Variants in TNFRSF19 observed in about 807,000 individuals in gnomAD.
The protein encoded by TNFRSF19 is tumor necrosis factor receptor superfamily member 19.
In TNFRSF19, 27 loss-of-function variants were observed where a neutral mutation model predicts 46.4. That is an observed-to-expected ratio of 0.58 (90% confidence interval 0.43 to 0.80). The LOEUF (loss-of-function observed/expected upper bound fraction) is 0.80. Ranked by LOEUF, TNFRSF19 falls within the 30% of genes least tolerant of loss-of-function variation. The pLI, the probability that TNFRSF19 is intolerant of heterozygous loss-of-function variation, is 0.00. For missense variants in TNFRSF19, 511 were observed against 530.8 expected (o/e 0.96, Z 0.37); for synonymous variants, 204 against 205.0 (o/e 1.00, Z 0.04).
At position 23,615,893 on chromosome 13, in the gene TNFRSF19, T is replaced by C. The variant is rs373247986; in HGVS notation, c.207T>C (p.Asp69=). The stretch of plus-strand genomic sequence containing the variant: ...AATGTGGCTTCGGCTATGGGGAGGA[T>C]GCACAGTGTGTGACGTGCCGGCTGC... ...SKECGFGYGE[D]AQCVTCRLHR... Residue 69 remains aspartate (D), a synonymous_variant, in exon 4 of 10, where the codon GAT becomes GAC. Transcript: ENST00000248484. The C allele has an allele frequency of 1.9e-6, 3 of 1,612,158 alleles. No individual in the cohort carries two copies. In the Admixed American group the frequency reaches 5.0e-5, roughly 27 times the overall value.
At position 23,590,218 on chromosome 13, in the gene TNFRSF19, C is replaced by T. The variant is rs370996963; in HGVS notation, c.35C>T (p.Thr12Met). ...AAAGTGCTACTAGAACAAGAGAAAACGTTTTTCACTCTTTTAGTATTACTA... is the reference window on the plus strand; with the variant it reads ...AAAGTGCTACTAGAACAAGAGAAAATGTTTTTCACTCTTTTAGTATTACTA... ...ALKVLLEQEK[T>M]FFTLLVLLGY... Residue 12 changes from threonine to methionine, a missense_variant, in exon 2 of 10, where the codon ACG becomes ATG. By Grantham distance (81) the Thr-to-Met change is moderately conservative. This residue lies in a region of TNFRSF19 where 121 missense variants were observed against 124.1 expected (regional missense o/e 0.98). Transcript: ENST00000248484. The T allele has an allele frequency of 8.6e-5, 137 of 1,592,692 alleles. No individual in the cohort carries two copies. Among genetic ancestry groups the T allele is most frequent in the Non-Finnish European group, 1.1e-4 (133 of 1,169,574 alleles).
rs1278513824 is a variant in TNFRSF19, at chr13:23,674,798, G to A, written c.*1418G>A. ...TAACTTTTAAACTGAATATTAAAAT[G>A]TATCTGTCTTTCCTAGTATGTTTTT... is the stretch of plus-strand genomic sequence containing the variant. On this transcript the variant is annotated 3_prime_UTR_variant, in exon 10 of 10. Transcript: ENST00000248484. 1 of 152,194 alleles carries A rather than the reference G, an allele frequency of 6.6e-6. No homozygotes were observed. Among genetic ancestry groups the A allele is most frequent in the Non-Finnish European group, 1.5e-5 (1 of 68,040 alleles). 9.4% of individuals were successfully genotyped at this position (152,194 alleles called of 1,614,324 possible). A position where few individuals can be genotyped will look rare whatever the true frequency, so the allele number is the denominator to read the frequency against.
At chr13:23,631,250 C>A (rs909621571) in intron 5 of TNFRSF19, among the ~76,000 whole-genome samples, 1 of 151,824 alleles carries the variant, frequency 6.6e-6, no homozygotes, top group African/African-American at 2.4e-5. Flanking sequence ...CCCAGTAGTC[C>A]CCAAAACAGA....
chr13:23,638,991 A>G (rs1882874342), intron 5 of TNFRSF19, among the ~76,000 whole-genome samples: 1 of 152,144 alleles, frequency 6.6e-6, no homozygotes, highest in African/African-American at 2.4e-5. Flanking sequence ...TTTTTGTCCT[A>G]TTGAGAAGAA....
Position 23,570,710 on chromosome 13 carries a change from C to T in TNFRSF19, c.-173C>T, listed in dbSNP as rs924594642. On this transcript the variant is annotated 5_prime_UTR_variant, in exon 1 of 10. Transcript: ENST00000248484. ...ATTACAGGCATTTCATCTCCCTGCT[C>T]GTCTGCCTTTGATCTGCATGGTTAA... The T allele has an allele frequency of 6.6e-6, 1 of 152,186 alleles. No individual in the cohort carries two copies. The highest frequency in any genetic ancestry group is 2.4e-5 in the African/African-American group (1 of 41,444). 9.4% of individuals were successfully genotyped at this position (152,186 alleles called of 1,614,324 possible). A position where few individuals can be genotyped will look rare whatever the true frequency, so the allele number is the denominator to read the frequency against.
chr13:23,596,177 T>A (rs1879708771), intron 3 of TNFRSF19, among the ~76,000 whole-genome samples: 1 of 152,144 alleles, frequency 6.6e-6, no homozygotes, highest in Non-Finnish European at 1.5e-5. Context: ...TAAAGACCAT[T>A]GACACTATGA....
chr13:23,659,009 C>T lies in TNFRSF19; in HGVS notation c.446-41C>T. 6.2e-7 allele frequency: 1 copy of T among 1,611,160 alleles called. No homozygotes were observed. Among genetic ancestry groups the T allele is most frequent in the Non-Finnish European group, 8.5e-7 (1 of 1,179,798 alleles). ...AGCTTCGCCATAAACACTGCATCTG[C>T]AGTTGTTCAGAGCATGCTGACCCCA... On this transcript the variant is annotated intron_variant, in intron 5 of 9. Coordinates refer to ENST00000248484, the MANE Select transcript of TNFRSF19 (RefSeq NM_148957.4). The surrounding 1 kb of genome is among the most constrained non-coding windows in gnomAD (Gnocchi z 4.9).
intron 1 of TNFRSF19, among the ~76,000 whole-genome samples, chr13:23,574,985 C>T (rs2138130961): frequency 6.6e-6 from 1 of 152,298 alleles, no homozygotes; most frequent in South Asian, 2.1e-4. Flanking sequence ...CTTCATAAAA[C>T]CATTCCTTCC....
At chr13:23,662,770 T>C (rs1884450660) in intron 7 of TNFRSF19, among the ~76,000 whole-genome samples, 1 of 152,212 alleles carries the variant, frequency 6.6e-6, no homozygotes, top group Non-Finnish European at 1.5e-5. Context: ...TTTATTCTTT[T>C]TGTGGCAATT....
At chr13:23,669,855 G>A (rs913563) in intron 9 of TNFRSF19, among the ~76,000 whole-genome samples, 16,146 of 152,222 alleles carry the variant, frequency 0.11, 987 homozygotes, top group East Asian at 0.23. Flanking sequence ...AAATGGGAGT[G>A]CATGTATTGT....
intron 1 of TNFRSF19, among the ~76,000 whole-genome samples, chr13:23,577,401 A>T (rs951601205): frequency 6.6e-6 from 1 of 152,238 alleles, no homozygotes; most frequent in African/African-American, 2.4e-5. Flanking sequence ...ATTCAATTCC[A>T]CTCAGAAAGC....
chr13:23,588,817 G>C (rs1444710630), intron 1 of TNFRSF19, among the ~76,000 whole-genome samples: 1 of 152,240 alleles, frequency 6.6e-6, no homozygotes, highest in Non-Finnish European at 1.5e-5. Context: ...TGACCAAGTA[G>C]CTGGAAAAGT....
rs1356089427 is a variant in TNFRSF19, at chr13:23,675,066, C to A, written c.*1686C>A. On this transcript the variant is annotated 3_prime_UTR_variant, in exon 10 of 10. Transcript: ENST00000248484. The stretch of plus-strand genomic sequence containing the variant: ...CCTAGTCATAATTAATTGACTTTTC[C>A]TGTATTACTTCTTTTTTTAAGTATA... The A allele has an allele frequency of 6.6e-6, 1 of 152,130 alleles. No homozygotes were observed. Among genetic ancestry groups the A allele is most frequent in the Non-Finnish European group, 1.5e-5 (1 of 68,022 alleles). 9.4% of individuals were successfully genotyped at this position (152,130 alleles called of 1,614,324 possible). A position where few individuals can be genotyped will look rare whatever the true frequency, so the allele number is the denominator to read the frequency against.
chr13:23,626,113 A>G (rs1261996445), intron 4 of TNFRSF19, among the ~76,000 whole-genome samples: 3 of 151,416 alleles, frequency 2.0e-5, no homozygotes, highest in African/African-American at 7.3e-5. Flanking sequence ...CAATTTTTCA[A>G]TCTTTGTTTG....
chr13:23,594,431 C>A, intron 3 of TNFRSF19: 1 of 302,010 alleles, frequency 3.3e-6, no homozygotes, highest in Non-Finnish European at 6.8e-6. Flanking sequence ...GGGGCGTCTG[C>A]CATTACTGAG....
At chr13:23,633,016 T>C (rs1351499503) in intron 5 of TNFRSF19, among the ~76,000 whole-genome samples, 2 of 152,168 alleles carry the variant, frequency 1.3e-5, no homozygotes, top group Non-Finnish European at 2.9e-5. Flanking sequence ...TGAGGTTTTC[T>C]CTCTAATACC....
chr13:23,629,968 AG>A (rs1451896308), intron 5 of TNFRSF19, among the ~76,000 whole-genome samples: 1 of 152,090 alleles, frequency 6.6e-6, no homozygotes, highest in Non-Finnish European at 1.5e-5. Context: ...TGAGCACTGA[AG>A]GGTACCGGAA....
chr13:23,588,502 G>A (rs994318282), intron 1 of TNFRSF19, among the ~76,000 whole-genome samples: 6 of 152,124 alleles, frequency 3.9e-5, no homozygotes, highest in South Asian at 2.1e-4. Flanking sequence ...CTAATTGCTC[G>A]AATATGGTAT....
chr13:23,631,399 C>T lies in TNFRSF19; in HGVS notation c.445+4607C>T, dbSNP rs573284608. 6.6e-5 allele frequency among the ~76,000 whole-genome samples: 10 copies of T among 152,254 alleles called. No homozygotes were observed. In the East Asian group the frequency reaches 1.5e-3, roughly 24 times the overall value. On this transcript the variant is annotated intron_variant, in intron 5 of 9. Coordinates refer to ENST00000248484, the MANE Select transcript of TNFRSF19 (RefSeq NM_148957.4). Reference sequence around the variant, plus strand: ...ACTATTTTGGATTCTTTTGCCACTTCGGATATACTTTTTTTCATATAATGA... The same window carrying T: ...ACTATTTTGGATTCTTTTGCCACTTTGGATATACTTTTTTTCATATAATGA...
Sources: allele counts gnomAD v4.1 joint callset (sites outside exome capture counted in the v4.1 genomes callset), GRCh38; gene constraint gnomAD v4.1.1; regional missense constraint gnomAD v4.1.1; non-coding constraint Gnocchi (gnomAD v3.1); transcripts MANE v1.5; gene names NCBI Gene and HGNC (gene_info 2026-07-23, HGNC 2026-07-21).